The following SOX5 variants were observed in gnomAD, a reference collection of about 807,000 sequenced individuals.
SOX5 encodes SRY-box transcription factor 5.
Under a neutral mutation model 92.0 loss-of-function variants are expected in SOX5, and 9 were observed. That is an observed-to-expected ratio of 0.10 (90% CI 0.06 to 0.17). The LOEUF (loss-of-function observed/expected upper bound fraction) is 0.17. Ranked by LOEUF, SOX5 falls within the 10% of genes least tolerant of loss-of-function variation. SOX5 has a pLI of 1.00. For missense variants in SOX5, 642 were observed against 944.5 expected, an observed-to-expected ratio of 0.68 and a Z score of 4.20; for synonymous variants, 344 against 336.3, an observed-to-expected ratio of 1.02 and a Z score of -0.25.
chr12:23,801,556 T>C (rs1225015576), intron 3 of SOX5, among the ~76,000 whole-genome samples: 3 of 152,308 alleles, frequency 2.0e-5, no homozygotes, highest in African/African-American at 7.2e-5. Flanking sequence ...TTTTAAAAAG[T>C]AGCTTAATGT....
chr12:23,803,754 C>G lies in SOX5; in HGVS notation c.481+42229G>C, dbSNP rs192989181. Reference sequence around the variant, plus strand: ...TATGTAAGCACAAAAAAAATGAGCACAGACATATCATTTCTAACCAGGCTG... The same window carrying G: ...TATGTAAGCACAAAAAAAATGAGCAGAGACATATCATTTCTAACCAGGCTG... On this transcript the variant is annotated intron_variant, in intron 3 of 14. Transcript: ENST00000451604. 5.8e-3 allele frequency among the ~76,000 whole-genome samples: 879 copies of G among 152,296 alleles called. 10 individuals are homozygous for G. The highest frequency in any genetic ancestry group is 7.1e-3 in the Non-Finnish European group (480 of 68,000).
At chr12:23,788,568 G>A (rs1338541627) in intron 3 of SOX5, among the ~76,000 whole-genome samples, 1 of 151,868 alleles carries the variant, frequency 6.6e-6, no homozygotes, top group African/African-American at 2.4e-5. Context: ...GCCTGGGAAT[G>A]AAACATGATA....
chr12:23,557,281 A>G (rs189403826), intron 11 of SOX5, among the ~76,000 whole-genome samples: 1 of 152,370 alleles, frequency 6.6e-6, no homozygotes. Flanking sequence ...TAATTAAAAT[A>G]TACATGTTAT....
chr12:24,255,780 G>A (rs948429516), intron 3 of SOX5, among the ~76,000 whole-genome samples: 1 of 152,134 alleles, frequency 6.6e-6, no homozygotes, highest in Non-Finnish European at 1.5e-5. Flanking sequence ...AACATAAGTG[G>A]CAGAAATTCT....
chr12:24,336,147 T>C (rs1346087112), intron 2 of SOX5, among the ~76,000 whole-genome samples: 2 of 151,300 alleles, frequency 1.3e-5, no homozygotes, highest in African/African-American at 4.9e-5. Flanking sequence ...CAGGCTGGAG[T>C]GCAGTGGTCC....
chr12:24,000,169 A>G (rs1335135704), intron 4 of SOX5, among the ~76,000 whole-genome samples: 1 of 151,326 alleles, frequency 6.6e-6, no homozygotes, highest in Non-Finnish European at 1.5e-5. Flanking sequence ...AAGGAGGTGG[A>G]GAGAATGGAG....
At chr12:23,679,130 G>A (rs1231687311) in intron 6 of SOX5, among the ~76,000 whole-genome samples, 1 of 152,124 alleles carries the variant, frequency 6.6e-6, no homozygotes, top group African/African-American at 2.4e-5. Flanking sequence ...TCTATGCAGA[G>A]CCTCCAAGAA....
intron 4 of SOX5, among the ~76,000 whole-genome samples, chr12:24,173,402 T>C (rs2139165544): frequency 6.6e-6 from 1 of 152,254 alleles, no homozygotes; most frequent in Non-Finnish European, 1.5e-5. Flanking sequence ...TCCAGCTATC[T>C]GCTGGTCTCA....
intron 3 of SOX5, among the ~76,000 whole-genome samples, chr12:23,800,771 A>T (rs1379165350): frequency 6.6e-6 from 1 of 152,218 alleles, no homozygotes; most frequent in Admixed American, 6.5e-5. Context: ...AAGGTATATC[A>T]TGAAATAAAC....
At chr12:23,842,250 T>C (rs1322139280) in intron 3 of SOX5, among the ~76,000 whole-genome samples, 1 of 152,134 alleles carries the variant, frequency 6.6e-6, no homozygotes, top group Non-Finnish European at 1.5e-5. Context: ...TGAACAATTA[T>C]ATAAATTAAT....
At chr12:24,053,187 C>T (rs9634099) in intron 4 of SOX5, among the ~76,000 whole-genome samples, 112,612 of 143,102 alleles carry the variant, frequency 0.79, 43,411 homozygotes, top group South Asian at 0.96. Context: ...CGCCCCCCCC[C>T]TTTTTTTTTT....
intron 4 of SOX5, among the ~76,000 whole-genome samples, chr12:24,150,189 A>G (rs901561598): frequency 2.6e-5 from 4 of 152,106 alleles, no homozygotes; most frequent in African/African-American, 9.7e-5. Flanking sequence ...TATGTATATG[A>G]TTTGTTTTTC....
At chr12:24,201,777 G>A (rs1345156322) in intron 4 of SOX5, among the ~76,000 whole-genome samples, 1 of 152,046 alleles carries the variant, frequency 6.6e-6, no homozygotes, top group East Asian at 1.9e-4. Flanking sequence ...ACTTAACCTG[G>A]GCCCTTGGAG....
chr12:24,440,925 C>T (rs1256277716), intron 1 of SOX5, among the ~76,000 whole-genome samples: 1 of 152,122 alleles, frequency 6.6e-6, no homozygotes, highest in African/African-American at 2.4e-5. Flanking sequence ...ATTGGATATC[C>T]TGGTGTTTAA....
At chr12:24,493,718 G>A (rs1429111916) in intron 1 of SOX5, among the ~76,000 whole-genome samples, 1 of 152,078 alleles carries the variant, frequency 6.6e-6, no homozygotes, top group East Asian at 1.9e-4. Flanking sequence ...CAAAAAATTA[G>A]CCGGGTGTGG....
intron 4 of SOX5, among the ~76,000 whole-genome samples, chr12:24,001,073 T>C (rs187531955): frequency 2.0e-5 from 3 of 152,230 alleles, no homozygotes; most frequent in East Asian, 1.9e-4. Context: ...TTTGAAATCA[T>C]AGAGAGTATG....
At chr12:23,870,165 T>C (rs1355461571) in intron 2 of SOX5, among the ~76,000 whole-genome samples, 1 of 151,738 alleles carries the variant, frequency 6.6e-6, no homozygotes, top group African/African-American at 2.4e-5. Context: ...AGTACTGAAG[T>C]GAGAGCTAAA....
intron 3 of SOX5, among the ~76,000 whole-genome samples, chr12:24,229,686 G>T (rs958611517): frequency 1.3e-5 from 2 of 152,160 alleles, no homozygotes; most frequent in Admixed American, 1.3e-4. Context: ...ATTCAGCCTT[G>T]GCTGTAAAAT....
chr12:23,553,372 T>A (rs1944558650), intron 11 of SOX5, among the ~76,000 whole-genome samples: 2 of 151,834 alleles, frequency 1.3e-5, no homozygotes, highest in Admixed American at 1.3e-4. Context: ...AGGAAAAAAA[T>A]CCCTATGGCC....
Sources: allele counts gnomAD v4.1 joint callset (sites outside exome capture counted in the v4.1 genomes callset), GRCh38; gene constraint gnomAD v4.1.1; transcripts MANE v1.5; gene names NCBI Gene and HGNC (gene_info 2026-07-23, HGNC 2026-07-21).